Variants in CCDC88B observed in about 807,000 individuals in gnomAD.
CCDC88B encodes coiled-coil domain-containing protein 88B.
A neutral mutation model predicts 183.7 loss-of-function variants in CCDC88B; 138 were observed. The ratio of observed to expected loss-of-function variants is 0.75; its 90% CI spans 0.65 to 0.87. The LOEUF is 0.87. Among genes scored for constraint, CCDC88B ranks in the 40% least tolerant of loss-of-function variants. The pLI, the probability that CCDC88B is intolerant of heterozygous loss-of-function variation, is 0.00. For synonymous variants in CCDC88B, 835 were observed against 867.5 expected, an observed-to-expected ratio of 0.96 and a Z score of 0.66; for missense variants, 1,822 against 1,965.6, an observed-to-expected ratio of 0.93 and a Z score of 1.38.
At chr11:64,351,281 T>G (rs1273809844) in intron 17 of CCDC88B, 26 bp downstream of exon 17, 3 of 1,497,742 alleles carry the variant, frequency 2.0e-6, no homozygotes, top group African/African-American at 1.4e-5. Context: ...CAGTGGGCCC[T>G]GGGGAGGTGC....
chr11:64,355,484 T>G (rs748900384), intron 25 of CCDC88B, 76 bp from the exon 26 acceptor site: 1 of 1,591,232 alleles, frequency 6.3e-7, no homozygotes, highest in Non-Finnish European at 8.6e-7. Context: ...GCTTCCTTCT[T>G]GTCCCCTGTG....
At chr11:64,356,066 C>T (rs1325594039) in intron 26 of CCDC88B, 2 of 150,796 alleles carry the variant, frequency 1.3e-5, no homozygotes, top group South Asian at 4.2e-4. Context: ...CTCACTGCAA[C>T]CTCCTCCTCC....
rs987499591 is a variant in CCDC88B at position 64,355,631 on chromosome 11, G to A, written c.4375+3G>A. On this transcript the variant is annotated splice_donor_region_variant and intron_variant, in intron 26 of 26. Transcript: ENST00000356786. ...CGAAACAGATGCCAACCGAGAGGGT[G>A]AGTGGGGGACTGTGGAAGGAGTAGT... 2 of 1,610,302 alleles carry A rather than the reference G, an allele frequency of 1.2e-6. No homozygotes were observed. Among genetic ancestry groups the A allele is most frequent in the Admixed American group, 3.4e-5 (2 of 59,198 alleles).
intron 14 of CCDC88B, among the ~76,000 whole-genome samples, chr11:64,346,155 G>T (rs946611756): frequency 2.0e-5 from 3 of 152,230 alleles, no homozygotes; most frequent in African/African-American, 7.2e-5. Context: ...TGCGCTTGAG[G>T]AGGGTCACCT....
chr11:64,353,520 G>C (rs1276036248), intron 22 of CCDC88B, 24 bp downstream of exon 22: 1 of 1,606,198 alleles, frequency 6.2e-7, no homozygotes, highest in Admixed American at 1.7e-5. Flanking sequence ...CTGGGAGCGG[G>C]GTGGGGCCTG....
Position 64,352,163 on chromosome 11 carries a change from G to A in CCDC88B, c.3133G>A (p.Glu1045Lys), listed in dbSNP as rs750911429. 12 of 1,598,820 alleles carry A rather than the reference G, an allele frequency of 7.5e-6. No homozygotes were observed. The African/African-American group carries it at 1.5e-4, about 20-fold the overall frequency. ...EKSVLEIQGQ[E>K]LHRKLEVLEE... ...GTCTGTGCTGGAGATTCAGGGCCAG[G>A]AGCTGCACCGGAAGCTGGAGGTGCT... The change falls in exon 19 of 27, where the codon GAG (glutamate) becomes AAG (lysine). Residue 1045 changes from glutamate (E) to lysine (K), a missense_variant. Glu to Lys is a moderately conservative substitution (Grantham distance 56). Coordinates refer to ENST00000356786, the MANE Select transcript of CCDC88B (RefSeq NM_032251.6).
At chr11:64,355,485 G>GTGGACCCACCAGC (rs2036520298) in intron 25 of CCDC88B, 75 bp from the exon 26 acceptor site, 1 of 1,591,744 alleles carries the variant, frequency 6.3e-7, no homozygotes, top group Non-Finnish European at 8.6e-7. Flanking sequence ...CTTCCTTCTT[G>GTGGACCCACCAGC]TCCCCTGTGT....
At chr11:64,354,495 G>T (rs1284412859) in intron 24 of CCDC88B, among the ~76,000 whole-genome samples, 1 of 152,050 alleles carries the variant, frequency 6.6e-6, no homozygotes, top group East Asian at 1.9e-4. Context: ...CCCGGGAGGG[G>T]AAGCTTTTGC....
chr11:64,349,568 A>C lies in CCDC88B; in HGVS notation c.2762A>C (p.Gln921Pro). Residue 921 changes from glutamine (Q) to proline (P), a missense_variant, in exon 16 of 27, where the codon CAG becomes CCG. Transcript: ENST00000356786. ...SQHQRYQGLEQRLEAELQAAA... is the reference protein window; with the variant it reads ...SQHQRYQGLEPRLEAELQAAA... ...CCTGGCAGGTACCAGGGCTTGGAGC[A>C]GCGGCTGGAAGCTGAGCTGCAGGCG... 1 of 1,600,998 alleles carries C rather than the reference A, an allele frequency of 6.2e-7. No individual in the cohort carries two copies. Among genetic ancestry groups the C allele is most frequent in the Non-Finnish European group, 8.5e-7 (1 of 1,175,466 alleles).
chr11:64,353,306 C>T, intron 21 of CCDC88B, 45 bp from the exon 22 acceptor site: 1 of 1,601,840 alleles, frequency 6.2e-7, no homozygotes, highest in Non-Finnish European at 8.5e-7. Flanking sequence ...CCCAGGTGGT[C>T]CTGAGCTGGG....
intron 2 of CCDC88B, 34 bp from the exon 3 acceptor site, chr11:64,340,873 G>C: frequency 6.5e-7 from 1 of 1,536,576 alleles, no homozygotes; most frequent in Non-Finnish European, 8.8e-7. Context: ...CTGTTGACGG[G>C]AGGCGGGTCC....
rs576572742 is a variant in CCDC88B, at chr11:64,342,597, G to A, written c.979G>A (p.Gly327Ser). 2.1e-3 allele frequency: 3,219 copies of A among 1,530,764 alleles called. 63 individuals are homozygous for A. The African/African-American group carries it at 0.039, about 19-fold the overall frequency. The allele number at this position is 1,530,764 out of a possible 1,614,324, so 94.8% of individuals were successfully genotyped here. A position where few individuals can be genotyped will look rare whatever the true frequency, so the allele number is the denominator to read the frequency against. Residue 327 changes from glycine to serine, a missense_variant, in exon 10 of 27, where the codon GGC becomes AGC. Transcript: ENST00000356786. ...EEAEALRERA[G>S]RLPRLQEELR... is the part of the protein sequence containing the mutation. ...GGCAGAGGCGCTGCGGGAGCGGGCC[G>A]GCCGCCTGCCCCGCCTGCAGGAGGA... is the stretch of plus-strand genomic sequence containing the variant.
intron 8 of CCDC88B, 25 bp from the exon 9 acceptor site, chr11:64,342,269 C>G (rs924703457): frequency 5.7e-6 from 9 of 1,573,800 alleles, no homozygotes; most frequent in Admixed American, 1.9e-5. Context: ...CCCCCAGACC[C>G]TCCCTAGACT....
In CCDC88B at chr11:64,343,296, C is replaced by T. The variant is rs371409114; in HGVS notation, c.1180C>T (p.Leu394=). Residue 394 remains leucine, a synonymous_variant, in exon 11 of 27, where the codon CTG becomes TTG. Transcript: ENST00000356786. ...LHETQRENLL[L]RTRLGEAHAE... The stretch of plus-strand genomic sequence containing the variant: ...CGAGACCCAGCGCGAGAACCTGCTG[C>T]TGCGAACCCGGCTGGGCGAGGCCCA... 1 of 1,550,334 alleles carries T rather than the reference C, an allele frequency of 6.5e-7. No individual in the cohort carries two copies. Among genetic ancestry groups the T allele is most frequent in the Non-Finnish European group, 8.7e-7 (1 of 1,146,842 alleles).
Position 64,353,152 on chromosome 11 carries a change from G to A in CCDC88B, c.3599G>A (p.Arg1200Gln), listed in dbSNP as rs776441768. 39 of 1,591,460 alleles carry A rather than the reference G, an allele frequency of 2.5e-5. No homozygotes were observed. Among genetic ancestry groups the A allele is most frequent in the Middle Eastern group, 2.1e-4 (1 of 4,682 alleles). Reference protein sequence around the residue: ...RGRLARLELERAQLEMQSQQL... With the variant: ...RGRLARLELEQAQLEMQSQQL... ...CGGCTGGCGCGGCTGGAGCTGGAGC[G>A]GGCACAGCTGGAGATGCAGAGCCAG... The change falls in exon 21 of 27, where the codon CGG (arginine) becomes CAG (glutamine). Residue 1200 changes from arginine to glutamine, a missense_variant. Physicochemically the swap from Arg to Gln is conservative, Grantham distance 43. Transcript: ENST00000356786.
chr11:64,351,727 C>G, intron 18 of CCDC88B, 111 bp downstream of exon 18: 2 of 1,306,072 alleles, frequency 1.5e-6, no homozygotes, highest in Non-Finnish European at 2.0e-6. Flanking sequence ...TGCCCCACCT[C>G]TTCCCCAGTC....
rs1257970410 is a variant in CCDC88B, at chr11:64,342,067, AGG to A, written c.751_752del (p.Gly251ProfsTer96). The stretch of plus-strand genomic sequence containing the variant: ...GAGGCTCCCTCTAGGGCTCCCGCCG[AGG>A]GCCCCTCGCACCATCTGGCCCTGCA... On this transcript the variant is annotated frameshift_variant, in exon 8 of 27. Coordinates refer to ENST00000356786, the MANE Select transcript of CCDC88B (RefSeq NM_032251.6). LOFTEE classifies it high-confidence loss of function. 1.9e-6 allele frequency: 3 copies of A among 1,611,648 alleles called. No individual in the cohort carries two copies. In the African/African-American group the frequency reaches 4.0e-5, roughly 22 times the overall value.
intron 14 of CCDC88B, 32 bp from the exon 15 acceptor site, chr11:64,349,299 C>T (rs754336224): frequency 1.3e-6 from 2 of 1,555,834 alleles, no homozygotes; most frequent in East Asian, 2.3e-5. Context: ...TCTCCTGCCC[C>T]CTTGCCCTGA....
Position 64,343,503 on chromosome 11 carries a change from C to G in CCDC88B, c.1210-4C>G. 1.3e-6 allele frequency: 2 copies of G among 1,551,628 alleles called. No homozygotes were observed. The highest frequency in any genetic ancestry group is 1.7e-6 in the Non-Finnish European group (2 of 1,146,902). On this transcript the variant is annotated splice_region_variant and splice_polypyrimidine_tract_variant and intron_variant, in intron 11 of 26. Coordinates refer to ENST00000356786, the MANE Select transcript of CCDC88B (RefSeq NM_032251.6). ...GGCTTGTCTGACCCTTCCCTCACCC[C>G]CAGGAGCTGGACTCTCTGCGGCATC...
Sources: allele counts gnomAD v4.1 joint callset (sites outside exome capture counted in the v4.1 genomes callset), GRCh38; gene constraint gnomAD v4.1.1; transcripts MANE v1.5; gene names NCBI Gene and HGNC (gene_info 2026-07-23, HGNC 2026-07-21).